The following ATE1 variants were observed in gnomAD, a reference collection of about 807,000 sequenced individuals.
ATE1 encodes the protein arginyl-tRNA--protein transferase 1.
In ATE1, 36 loss-of-function variants were observed where a neutral mutation model predicts 70.5. The ratio of observed to expected loss-of-function variants is 0.51; its 90% confidence interval spans 0.39 to 0.67. ATE1 has a LOEUF of 0.67. Ranked by LOEUF, ATE1 falls within the 30% of genes least tolerant of loss-of-function variation. The pLI is 0.00. For synonymous variants in ATE1, 232 were observed against 219.3 expected (o/e 1.06, Z -0.51); for missense variants, 593 against 629.5 (o/e 0.94, Z 0.62).
At chr10:121,837,145 A>C (rs1827113869) in intron 9 of ATE1, among the ~76,000 whole-genome samples, 1 of 152,218 alleles carries the variant, frequency 6.6e-6, no homozygotes. Flanking sequence ...GTTCTCAAAG[A>C]ATCTGGGCTT....
intron 11 of ATE1, among the ~76,000 whole-genome samples, chr10:121,769,984 C>T (rs1030721777): frequency 6.6e-6 from 1 of 152,174 alleles, no homozygotes; most frequent in Non-Finnish European, 1.5e-5. Context: ...ACTTGCCACA[C>T]AACCCAGTAA....
intron 11 of ATE1, among the ~76,000 whole-genome samples, chr10:121,771,033 T>C (rs921021716): frequency 2.6e-5 from 4 of 152,238 alleles, no homozygotes; most frequent in African/African-American, 9.6e-5. Context: ...CACAAAAAGC[T>C]GAGGTAACTG....
At chr10:121,889,804 C>A (rs112860400) in intron 7 of ATE1, among the ~76,000 whole-genome samples, 1 of 151,282 alleles carries the variant, frequency 6.6e-6, no homozygotes, top group African/African-American at 2.4e-5. Context: ...CCGACCAAGA[C>A]CTTGTCTCTT....
intron 11 of ATE1, among the ~76,000 whole-genome samples, chr10:121,783,948 C>T (rs920384407): frequency 6.6e-6 from 1 of 151,994 alleles, no homozygotes; most frequent in African/African-American, 2.4e-5. Flanking sequence ...TGCAGTGGCG[C>T]GATCACAGCT....
chr10:121,835,631 T>C (rs2133741728), intron 10 of ATE1, among the ~76,000 whole-genome samples: 1 of 152,242 alleles, frequency 6.6e-6, no homozygotes, highest in East Asian at 1.9e-4. Context: ...ATAGGAACAC[T>C]GATCAGATGA....
In ATE1 at chr10:121,841,065, G is replaced by A; in HGVS notation, c.1157+17C>T. ...TTCTATATAACCCACTACAATAACG[G>A]CAAAAAGCAATCTTACCGTAGTGCA... is the stretch of plus-strand genomic sequence containing the variant. On this transcript the variant is annotated intron_variant, in intron 9 of 11. Coordinates refer to ENST00000224652, the MANE Select transcript of ATE1 (RefSeq NM_001001976.3). 2.0e-6 allele frequency: 3 copies of A among 1,508,038 alleles called. No individual in the cohort carries two copies. Among genetic ancestry groups the A allele is most frequent in the South Asian group, 1.4e-5 (1 of 72,556 alleles). The allele number at this position is 1,508,038 out of a possible 1,614,324, so 93.4% of individuals were successfully genotyped here.
At chr10:121,924,139 TACATA>T (rs1951987356) in intron 2 of ATE1, 122 bp downstream of exon 2, 2 of 759,172 alleles carry the variant, frequency 2.6e-6, no homozygotes, top group Non-Finnish European at 4.3e-6. Flanking sequence ...AAAAAATCAC[TACATA>T]AAAGAATATA....
chr10:121,909,004 T>C (rs1951315471), intron 5 of ATE1, among the ~76,000 whole-genome samples: 2 of 152,184 alleles, frequency 1.3e-5, no homozygotes, highest in African/African-American at 4.8e-5. Flanking sequence ...TGTTGTTGTT[T>C]TGAGACAGGG....
intron 7 of ATE1, among the ~76,000 whole-genome samples, chr10:121,883,827 G>T (rs559908240): frequency 6.6e-6 from 1 of 151,876 alleles, no homozygotes; most frequent in South Asian, 2.1e-4. Flanking sequence ...CTGCAGACTG[G>T]GGTGCGGTGG....
chr10:121,913,842 T>C lies in ATE1; in HGVS notation c.285A>G (p.Lys95=). 6.2e-7 allele frequency: 1 copy of C among 1,613,304 alleles called. No individual in the cohort carries two copies. The change falls in exon 4 of 12, where the codon AAA becomes AAG. Residue 95 remains lysine, a synonymous_variant. Transcript: ENST00000224652. ...CTTTAGCTAGAAATTTCAACATTTT[T>C]TTCAAAACCTTCTTGTGAGATTTTG... ...QPSKSHKKVL[K]KMLKFLAKGE...
chr10:121,870,944 C>T (rs1949833697), intron 7 of ATE1, among the ~76,000 whole-genome samples: 1 of 152,094 alleles, frequency 6.6e-6, no homozygotes, highest in African/African-American at 2.4e-5. Flanking sequence ...TTTCTAAATG[C>T]AAATTAACTA....
chr10:121,875,208 T>C (rs1239651563), intron 7 of ATE1, among the ~76,000 whole-genome samples: 2 of 150,826 alleles, frequency 1.3e-5, no homozygotes, highest in Non-Finnish European at 3.0e-5. Flanking sequence ...CTTTGTCTTC[T>C]GAAGCATTAT....
chr10:121,922,259 AAT>A, intron 3 of ATE1, 88 bp downstream of exon 3: 1 of 887,164 alleles, frequency 1.1e-6, no homozygotes, highest in Non-Finnish European at 1.8e-6. Context: ...CTAGAGCGGA[AAT>A]AAACATTAAA....
chr10:121,809,530 T>C (rs954092655), intron 10 of ATE1, among the ~76,000 whole-genome samples: 2 of 152,184 alleles, frequency 1.3e-5, no homozygotes, highest in Admixed American at 6.5e-5. Context: ...TAAGTAAAAC[T>C]GGCATTATTT....
In ATE1 at chr10:121,808,603, C is replaced by A. The variant is rs532655961; in HGVS notation, c.1258-18314G>T. ...ATCCACTTGTTAGACCTATTAATCACAACTTGCTTGATATCTTCAACTATA... is the reference window on the plus strand; with the variant it reads ...ATCCACTTGTTAGACCTATTAATCAAAACTTGCTTGATATCTTCAACTATA... On this transcript the variant is annotated intron_variant, in intron 10 of 11. Transcript: ENST00000224652. Among the ~76,000 whole-genome samples, 13 of 152,316 alleles carry A rather than the reference C, an allele frequency of 8.5e-5. 1 individual carries two copies. The highest frequency in any genetic ancestry group is 3.1e-4 in the African/African-American group (13 of 41,570).
intron 11 of ATE1, among the ~76,000 whole-genome samples, chr10:121,749,656 AAAGT>A (rs754922469): frequency 5.0e-4 from 76 of 152,342 alleles, no homozygotes; most frequent in Non-Finnish European, 4.9e-4. Context: ...TTTAGTCATC[AAAGT>A]AATGCCTGTT....
intron 10 of ATE1, among the ~76,000 whole-genome samples, chr10:121,812,590 G>A (rs1404466983): frequency 1.3e-5 from 2 of 152,116 alleles, no homozygotes; most frequent in Non-Finnish European, 2.9e-5. Context: ...CATTTCTGAT[G>A]TTATGTTTTG....
At chr10:121,899,792 A>G in intron 7 of ATE1, 74 bp downstream of exon 7, 1 of 1,540,900 alleles carries the variant, frequency 6.5e-7, no homozygotes, top group Non-Finnish European at 8.8e-7. Context: ...CAAATAAACC[A>G]AGATTTCATT....
chr10:121,771,495 T>C (rs1945516550), intron 11 of ATE1, among the ~76,000 whole-genome samples: 1 of 152,182 alleles, frequency 6.6e-6, no homozygotes, highest in Admixed American at 6.5e-5. Flanking sequence ...ACAAGGAAAT[T>C]CATCTTCTAA....
Sources: allele counts gnomAD v4.1 joint callset (sites outside exome capture counted in the v4.1 genomes callset), GRCh38; gene constraint gnomAD v4.1.1; transcripts MANE v1.5; gene names NCBI Gene and HGNC (gene_info 2026-07-23, HGNC 2026-07-21).